CLCN3: variants seen among roughly 807,000 people sequenced by gnomAD.
The protein encoded by CLCN3 is H(+)/Cl(-) exchange transporter 3.
CLCN3 carries 16 observed loss-of-function variants against 83.4 expected under a neutral mutation model. The ratio of observed to expected loss-of-function variants is 0.19; its 90% confidence interval spans 0.13 to 0.29. The LOEUF is 0.29. Ranked by LOEUF, CLCN3 falls within the 10% of genes least tolerant of loss-of-function variation. The probability of loss-of-function intolerance (pLI) is 1.00; values close to 1 mark genes in which losing one functional copy is unlikely to be tolerated. For synonymous variants in CLCN3, 322 were observed against 346.2 expected (o/e 0.93, Z 0.78); for missense variants, 544 against 1,006.0 (o/e 0.54, Z 6.21).
At chr4:169,714,146 A>G (rs1423887050) in intron 12 of CLCN3, among the ~76,000 whole-genome samples, 1 of 152,180 alleles carries the variant, frequency 6.6e-6, no homozygotes, top group Admixed American at 6.5e-5. Context: ...TTCTTGTTGA[A>G]CTTAAGAATG....
At chr4:169,695,740 C>G (rs747363086) in intron 8 of CLCN3, 48 bp downstream of exon 8, 1 of 1,250,596 alleles carries the variant, frequency 8.0e-7, no homozygotes, top group Non-Finnish European at 1.2e-6. Context: ...ATTACCATTA[C>G]AAATATATTT....
intron 2 of CLCN3, among the ~76,000 whole-genome samples, chr4:169,644,736 A>G (rs1174674006): frequency 6.6e-6 from 1 of 152,208 alleles, no homozygotes; most frequent in African/African-American, 2.4e-5. Context: ...GTTACCTTTC[A>G]TGTTAAAATG....
chr4:169,621,444 G>A (rs753627754), intron 1 of CLCN3, among the ~76,000 whole-genome samples: 1 of 152,086 alleles, frequency 6.6e-6, no homozygotes, highest in Non-Finnish European at 1.5e-5. Flanking sequence ...ATATATTTGT[G>A]GTTTGATCTT....
At chr4:169,636,158 T>C in intron 2 of CLCN3, 70 bp downstream of exon 2, 3 of 1,351,130 alleles carry the variant, frequency 2.2e-6, no homozygotes, top group Non-Finnish European at 3.0e-6. Context: ...CACTATTTTA[T>C]TGAGGTTGAA....
intron 3 of CLCN3, among the ~76,000 whole-genome samples, chr4:169,681,045 C>T (rs116004341): frequency 0.01 from 1,586 of 152,076 alleles, 31 homozygotes; most frequent in African/African-American, 0.037. Flanking sequence ...TTTTAAAAAA[C>T]AATTTTTTTT....
chr4:169,638,122 T>C (rs1730282145), intron 2 of CLCN3, among the ~76,000 whole-genome samples: 1 of 152,298 alleles, frequency 6.6e-6, no homozygotes, highest in Non-Finnish European at 1.5e-5. Flanking sequence ...TTCTTTCCTC[T>C]CCCCTTATTT....
intron 2 of CLCN3, among the ~76,000 whole-genome samples, chr4:169,647,339 C>T (rs1318955131): frequency 6.6e-6 from 1 of 151,914 alleles, no homozygotes; most frequent in Non-Finnish European, 1.5e-5. Flanking sequence ...TGCAGTTAGC[C>T]GAGATCAGCC....
chr4:169,630,948 A>C (rs1464877664), intron 1 of CLCN3, among the ~76,000 whole-genome samples: 1 of 152,170 alleles, frequency 6.6e-6, no homozygotes, highest in Non-Finnish European at 1.5e-5. Context: ...TATGTAGAAC[A>C]ATTTATTTTC....
At chr4:169,690,770 A>G in intron 6 of CLCN3, 118 bp downstream of exon 6, 1 of 954,534 alleles carries the variant, frequency 1.0e-6, no homozygotes, top group Non-Finnish European at 1.5e-6. Flanking sequence ...ATAATATGAA[A>G]AAAAAATTTT....
intron 2 of CLCN3, among the ~76,000 whole-genome samples, chr4:169,649,167 C>T (rs1405505331): frequency 6.6e-6 from 1 of 152,080 alleles, no homozygotes; most frequent in Non-Finnish European, 1.5e-5. Flanking sequence ...GTGCTAGGAG[C>T]TTGTACAGGT....
intron 1 of CLCN3, among the ~76,000 whole-genome samples, chr4:169,629,639 G>T (rs531947379): frequency 6.6e-6 from 1 of 152,152 alleles, no homozygotes; most frequent in Non-Finnish European, 1.5e-5. Flanking sequence ...TTAAAGTGCC[G>T]AGATTACAGC....
intron 2 of CLCN3, among the ~76,000 whole-genome samples, chr4:169,641,268 TA>T (rs1730405296): frequency 6.6e-6 from 1 of 151,958 alleles, no homozygotes; most frequent in Non-Finnish European, 1.5e-5. Flanking sequence ...AGTCTCTAAA[TA>T]AAAATAAAAA....
intron 2 of CLCN3, among the ~76,000 whole-genome samples, chr4:169,676,548 G>A (rs1233233376): frequency 6.0e-5 from 9 of 150,274 alleles, no homozygotes; most frequent in Admixed American, 2.0e-4. Flanking sequence ...CTCTTGGCCC[G>A]GTTGAAATGC....
chr4:169,623,742 T>G (rs1441576180), intron 1 of CLCN3, among the ~76,000 whole-genome samples: 1 of 152,172 alleles, frequency 6.6e-6, no homozygotes, highest in African/African-American at 2.4e-5. Context: ...TTTTAGATTT[T>G]ACACATATGT....
At chr4:169,637,298 T>G (rs2150203375) in intron 2 of CLCN3, among the ~76,000 whole-genome samples, 1 of 151,614 alleles carries the variant, frequency 6.6e-6, no homozygotes, top group Middle Eastern at 3.4e-3. Context: ...TTTTTTTTAC[T>G]CTCTTAAAGG....
intron 6 of CLCN3, 115 bp downstream of exon 6, chr4:169,690,767 G>A: frequency 3.1e-6 from 3 of 969,684 alleles, no homozygotes; most frequent in African/African-American, 1.7e-5. Flanking sequence ...TTCATAATAT[G>A]AAAAAAAAAT....
At chr4:169,626,642 A>T (rs1773242622) in intron 1 of CLCN3, among the ~76,000 whole-genome samples, 2 of 152,110 alleles carry the variant, frequency 1.3e-5, no homozygotes, top group Admixed American at 1.3e-4. Flanking sequence ...AAGAGAAGAG[A>T]TTCTGTTTTC....
At chr4:169,704,313 T>G (rs1732908527) in intron 10 of CLCN3, 129 bp downstream of exon 10, 2 of 733,610 alleles carry the variant, frequency 2.7e-6, no homozygotes, top group Non-Finnish European at 4.5e-6. Context: ...GAGGAGATGT[T>G]TTAACAGATA....
At chr4:169,649,528 A>G (rs1730674604) in intron 2 of CLCN3, among the ~76,000 whole-genome samples, 1 of 152,190 alleles carries the variant, frequency 6.6e-6, no homozygotes, top group African/African-American at 2.4e-5. Flanking sequence ...TTCAAAATAG[A>G]TTTAGGAGTA....
Sources: gnomAD v4.1 joint callset for allele counts (sites outside exome capture counted in the v4.1 genomes callset) on GRCh38, gnomAD v4.1.1 for gene constraint, MANE v1.5 for transcripts, NCBI Gene and HGNC (gene_info 2026-07-23, HGNC 2026-07-21) for gene names.